The following TRIM2 variants were observed in gnomAD, a reference collection of about 807,000 sequenced individuals.
The protein encoded by TRIM2 is tripartite motif-containing protein 2.
In TRIM2, 20 loss-of-function variants were observed where a neutral mutation model predicts 75.2. That is an observed-to-expected ratio of 0.27 (90% CI 0.19 to 0.39). The LOEUF is 0.39. Ranked by LOEUF, TRIM2 falls within the 10% of genes least tolerant of loss-of-function variation. The probability of loss-of-function intolerance (pLI) is 1.00; values close to 1 mark genes in which losing one functional copy is unlikely to be tolerated. For missense variants in TRIM2, 660 were observed against 990.8 expected, an observed-to-expected ratio of 0.67 and a Z score of 4.48; for synonymous variants, 373 against 388.3, an observed-to-expected ratio of 0.96 and a Z score of 0.46.
intron 1 of TRIM2, among the ~76,000 whole-genome samples, chr4:153,184,472 A>T (rs1039500827): frequency 1.3e-5 from 2 of 152,162 alleles, no homozygotes; most frequent in African/African-American, 4.8e-5. Flanking sequence ...ATCCAAATAC[A>T]GCCACATTGG....
intron 1 of TRIM2, among the ~76,000 whole-genome samples, chr4:153,254,194 A>G (rs551669438): frequency 1.3e-5 from 2 of 152,322 alleles, no homozygotes; most frequent in East Asian, 3.9e-4. Context: ...TTGAGCAGGG[A>G]TAGGCAGACT....
At position 153,234,226 on chromosome 4, in the gene TRIM2, C is replaced by T. The variant is rs568232523; in HGVS notation, c.30+29666C>T. On this transcript the variant is annotated intron_variant, in intron 1 of 11. Coordinates refer to ENST00000338700, the MANE Select transcript of TRIM2 (RefSeq NM_015271.5). ...TCATTTTATGCTCAAGACTCACAAC[C>T]ACTCAGAAGTGCAGTTTTCTCCTTG... Among the ~76,000 whole-genome samples the T allele has an allele frequency of 2.0e-5, 3 of 152,270 alleles. No homozygotes were observed. The South Asian group carries it at 6.2e-4, about 32-fold the overall frequency.
At chr4:153,235,780 C>G (rs1744872855) in intron 1 of TRIM2, among the ~76,000 whole-genome samples, 1 of 152,174 alleles carries the variant, frequency 6.6e-6, no homozygotes, top group Non-Finnish European at 1.5e-5. Context: ...TCCTTCTGAT[C>G]AGATTACCTT....
upstream of TRIM2, among the ~76,000 whole-genome samples, chr4:153,203,867 G>A (rs1276108525): frequency 1.3e-5 from 2 of 151,960 alleles, no homozygotes; most frequent in Non-Finnish European, 2.9e-5. Context: ...ACTCCGGCCT[G>A]GGCAACAGAG....
intron 1 of TRIM2, among the ~76,000 whole-genome samples, chr4:153,219,610 TG>T (rs1261945125): frequency 6.6e-6 from 1 of 152,226 alleles, no homozygotes; most frequent in Non-Finnish European, 1.5e-5. Context: ...AGCTTACGCC[TG>T]TAACTCAACA....
At chr4:153,296,364 C>T (rs568137784) in intron 6 of TRIM2, among the ~76,000 whole-genome samples, 5 of 152,136 alleles carry the variant, frequency 3.3e-5, no homozygotes, top group Non-Finnish European at 7.4e-5. Context: ...TCATAGCACC[C>T]GTAATCTGAA....
At chr4:153,267,379 G>A (rs1379480330) in intron 1 of TRIM2, among the ~76,000 whole-genome samples, 4 of 152,214 alleles carry the variant, frequency 2.6e-5, no homozygotes, top group African/African-American at 7.2e-5. Context: ...GAATAATAGT[G>A]TGACCCCTCA....
intron 8 of TRIM2, among the ~76,000 whole-genome samples, chr4:153,317,209 G>A (rs1246315725): frequency 6.6e-6 from 1 of 151,514 alleles, no homozygotes; most frequent in Non-Finnish European, 1.5e-5. Flanking sequence ...TCCCTGTCCA[G>A]CCTACTAGAG....
At chr4:153,227,984 T>C (rs1742607154) in intron 1 of TRIM2, among the ~76,000 whole-genome samples, 1 of 152,220 alleles carries the variant, frequency 6.6e-6, no homozygotes, top group African/African-American at 2.4e-5. Context: ...ATTCTGCTTA[T>C]GGAAGGCAAA....
intron 1 of TRIM2, among the ~76,000 whole-genome samples, chr4:153,193,194 C>A (rs1005227344): frequency 2.1e-5 from 3 of 144,740 alleles, no homozygotes; most frequent in Non-Finnish European, 4.5e-5. Flanking sequence ...TGAAGTGTCG[C>A]GATCTCAGCT....
chr4:153,329,502 A>G (rs140962237), intron 11 of TRIM2, among the ~76,000 whole-genome samples: 214 of 151,800 alleles, frequency 1.4e-3, no homozygotes, highest in African/African-American at 4.4e-3. Flanking sequence ...AAGAAGCTAG[A>G]AAGAAAAGAG....
chr4:153,290,812 A>G (rs1294518582), intron 3 of TRIM2, among the ~76,000 whole-genome samples: 1 of 152,142 alleles, frequency 6.6e-6, no homozygotes, highest in Non-Finnish European at 1.5e-5. Context: ...ATTTTTTTCT[A>G]GAGACAGAGC....
At chr4:153,300,754 A>C (rs914910195) in intron 6 of TRIM2, among the ~76,000 whole-genome samples, 1 of 151,812 alleles carries the variant, frequency 6.6e-6, no homozygotes, top group Non-Finnish European at 1.5e-5. Context: ...TGATCTCTTG[A>C]CCTTGTGATC....
intron 1 of TRIM2, among the ~76,000 whole-genome samples, chr4:153,174,605 G>A (rs1248884464): frequency 6.6e-6 from 1 of 152,136 alleles, no homozygotes. Flanking sequence ...CTGAGAGCAG[G>A]GCGGTGATTT....
At chr4:153,273,087 T>C (rs1757121573) in intron 2 of TRIM2, among the ~76,000 whole-genome samples, 1 of 151,930 alleles carries the variant, frequency 6.6e-6, no homozygotes, top group Non-Finnish European at 1.5e-5. Context: ...TCTGCCCATG[T>C]CGGCCTCCCA....
chr4:153,243,466 A>G (rs1033678598), intron 1 of TRIM2, among the ~76,000 whole-genome samples: 1 of 152,346 alleles, frequency 6.6e-6, no homozygotes, highest in Admixed American at 6.5e-5. Flanking sequence ...ATGCAGTTAC[A>G]TCCTTGCTAG....
At chr4:153,285,357 A>G (rs1453036139) in intron 3 of TRIM2, among the ~76,000 whole-genome samples, 4 of 152,180 alleles carry the variant, frequency 2.6e-5, no homozygotes, top group Non-Finnish European at 4.4e-5. Context: ...CAGTTTTGAA[A>G]TTGGTAACTA....
At position 153,263,252 on chromosome 4, in the gene TRIM2, C is replaced by G. The variant is rs150245043; in HGVS notation, c.31-7083C>G. Among the ~76,000 whole-genome samples the G allele has an allele frequency of 4.2e-3, 638 of 152,076 alleles. 2 individuals are homozygous for G. Among genetic ancestry groups the G allele is most frequent in the African/African-American group, 0.013 (538 of 41,470 alleles). On this transcript the variant is annotated intron_variant, in intron 1 of 11. Coordinates refer to ENST00000338700, the MANE Select transcript of TRIM2 (RefSeq NM_015271.5). ...GCTAAGGTGGGACTCTCACTTAAGCCTCGGAGGTGGAGGTTGCAGTGAGCT... is the reference window on the plus strand; with the variant it reads ...GCTAAGGTGGGACTCTCACTTAAGCGTCGGAGGTGGAGGTTGCAGTGAGCT...
chr4:153,257,747 CTGTT>C (rs948550087), intron 1 of TRIM2: 10 of 545,484 alleles, frequency 1.8e-5, no homozygotes, highest in Middle Eastern at 4.0e-4. Context: ...GTTGGTTAGT[CTGTT>C]TGTCTTCAGA....
Sources: gnomAD v4.1 joint callset for allele counts (sites outside exome capture counted in the v4.1 genomes callset) on GRCh38, gnomAD v4.1.1 for gene constraint, MANE v1.5 for transcripts, NCBI Gene and HGNC (gene_info 2026-07-23, HGNC 2026-07-21) for gene names.